Variants in RANBP2 observed in about 807,000 individuals in gnomAD.
RANBP2 encodes E3 SUMO-protein ligase RanBP2.
Under a neutral mutation model 303.6 loss-of-function variants are expected in RANBP2, and 57 were observed. The observed-to-expected ratio is 0.19, with a 90% CI of 0.15 to 0.23. RANBP2 has a LOEUF of 0.23. Among genes scored for constraint, RANBP2 ranks in the 10% least tolerant of loss-of-function variants. RANBP2 has a pLI of 1.00. For missense variants in RANBP2, 3,138 were observed against 3,780.8 expected (o/e 0.83, Z 4.46); for synonymous variants, 1,167 against 1,301.5 (o/e 0.90, Z 2.23).
the RANBP2 span, among the ~76,000 whole-genome samples, chr2:109,542,711 G>A: frequency 6.6e-6 from 1 of 152,158 alleles, no homozygotes; most frequent in Non-Finnish European, 1.5e-5. Flanking sequence ...TCTATGACAT[G>A]TATAATTTAA....
the RANBP2 span, chr2:109,545,879 G>GA: frequency 6.9e-7 from 1 of 1,439,356 alleles, no homozygotes; most frequent in Non-Finnish European, 9.2e-7. Flanking sequence ...GGATGCTGGG[G>GA]AAACAGCAGT....
chr2:109,292,085 G>C, the RANBP2 span, among the ~76,000 whole-genome samples: 1 of 152,124 alleles, frequency 6.6e-6, no homozygotes, highest in African/African-American at 2.4e-5. Flanking sequence ...GGATGGTCTC[G>C]ATCTCCTGAC....
At chr2:108,977,241 T>C in the RANBP2 span, among the ~76,000 whole-genome samples, 1 of 152,242 alleles carries the variant, frequency 6.6e-6, no homozygotes, top group Non-Finnish European at 1.5e-5. Context: ...GGAGATCTGG[T>C]GGCCTCTCAG....
At chr2:109,584,418 T>C in the RANBP2 span, among the ~76,000 whole-genome samples, 1 of 131,356 alleles carries the variant, frequency 7.6e-6, no homozygotes, top group African/African-American at 3.0e-5. Context: ...GAGGTTGCAG[T>C]GAGTCGAAAT....
the RANBP2 span, among the ~76,000 whole-genome samples, chr2:109,453,578 G>T: frequency 6.6e-6 from 1 of 152,112 alleles, no homozygotes; most frequent in Admixed American, 6.5e-5. Context: ...CCACCCGACC[G>T]GCCATCACTC....
chr2:108,912,787 C>G, the RANBP2 span: 1 of 1,559,002 alleles, frequency 6.4e-7, no homozygotes, highest in African/African-American at 1.4e-5. Context: ...TAGAGTCCCT[C>G]AAATGATCCA....
At chr2:109,182,245 A>G in the RANBP2 span, among the ~76,000 whole-genome samples, 5 of 152,196 alleles carry the variant, frequency 3.3e-5, no homozygotes, top group African/African-American at 1.2e-4. Context: ...GCATTTGGTG[A>G]GAGTCATCCC....
At chr2:108,740,230 T>C (rs1241024776) in intron 6 of RANBP2, among the ~76,000 whole-genome samples, 3 of 152,218 alleles carry the variant, frequency 2.0e-5, no homozygotes, top group Non-Finnish European at 2.9e-5. Flanking sequence ...ATCACTGATC[T>C]TATATTTATC....
the RANBP2 span, chr2:109,565,748 C>G: frequency 6.2e-7 from 1 of 1,603,722 alleles, no homozygotes; most frequent in Non-Finnish European, 8.5e-7. Flanking sequence ...TCTAGTCATC[C>G]TTTGTCTCAT....
chr2:108,917,600 T>G, the RANBP2 span, among the ~76,000 whole-genome samples: 1 of 152,182 alleles, frequency 6.6e-6, no homozygotes, highest in Non-Finnish European at 1.5e-5. Flanking sequence ...TGTCCACAAT[T>G]CAGTGCCTCT....
At chr2:109,546,735 C>CT in the RANBP2 span, among the ~76,000 whole-genome samples, 1 of 152,076 alleles carries the variant, frequency 6.6e-6, no homozygotes, top group Non-Finnish European at 1.5e-5. Flanking sequence ...AATGTTAAAA[C>CT]TGTATTCTAT....
At chr2:109,607,530 A>C in the RANBP2 span, among the ~76,000 whole-genome samples, 1 of 152,180 alleles carries the variant, frequency 6.6e-6, no homozygotes, top group Non-Finnish European at 1.5e-5. Context: ...ACCAAAGCTC[A>C]ACCTTATCTG....
chr2:108,759,072 A>G (rs1245534346), intron 18 of RANBP2, among the ~76,000 whole-genome samples: 1 of 150,894 alleles, frequency 6.6e-6, no homozygotes, highest in Non-Finnish European at 1.5e-5. Context: ...ACGTGGAGAT[A>G]ATACTTGCCT....
At chr2:109,164,371 A>G in the RANBP2 span, among the ~76,000 whole-genome samples, 2 of 152,036 alleles carry the variant, frequency 1.3e-5, no homozygotes, top group Non-Finnish European at 2.9e-5. Flanking sequence ...TTTGTTAGAG[A>G]TGGGGTCTTG....
At chr2:109,455,239 G>A in the RANBP2 span, among the ~76,000 whole-genome samples, 2 of 152,158 alleles carry the variant, frequency 1.3e-5, no homozygotes, top group Non-Finnish European at 2.9e-5. Context: ...CGGCTGGCAG[G>A]AGACCATGAG....
chr2:109,235,862 A>G, the RANBP2 span, among the ~76,000 whole-genome samples: 1 of 152,180 alleles, frequency 6.6e-6, no homozygotes, highest in Admixed American at 6.5e-5. Flanking sequence ...AAAACCTCTT[A>G]ACCCTGCCAA....
chr2:108,761,407 G>A lies in RANBP2; in HGVS notation c.2603-694G>A, dbSNP rs567423400. Reference sequence around the variant, plus strand: ...ATGTACAGGCATAAAAGGTCTTTTGGTTGTTTTCTGGTAAAACTATCATAA... The same window carrying A: ...ATGTACAGGCATAAAAGGTCTTTTGATTGTTTTCTGGTAAAACTATCATAA... On this transcript the variant is annotated intron_variant, in intron 18 of 28. Transcript: ENST00000283195. Among the ~76,000 whole-genome samples, 58 of 152,142 alleles carry A rather than the reference G, an allele frequency of 3.8e-4. No homozygotes were observed. The South Asian group carries it at 0.011, about 30-fold the overall frequency.
chr2:109,155,091 A>G, the RANBP2 span, among the ~76,000 whole-genome samples: 48 of 152,314 alleles, frequency 3.2e-4, no homozygotes, highest in African/African-American at 8.9e-4. Flanking sequence ...GGGCCAGGGC[A>G]AGGGTTCCAT....
Position 108,784,062 on chromosome 2 carries a change from A to G in RANBP2, c.*161A>G. ...TGTTGTCACTTTTTAATGTGTTATAATTGACCTTGCATGGTGTGAAATAAA... is the reference window on the plus strand; with the variant it reads ...TGTTGTCACTTTTTAATGTGTTATAGTTGACCTTGCATGGTGTGAAATAAA... On this transcript the variant is annotated 3_prime_UTR_variant, in exon 29 of 29. Coordinates refer to ENST00000283195, the MANE Select transcript of RANBP2 (RefSeq NM_006267.5). 1.5e-6 allele frequency: 1 copy of G among 682,714 alleles called. No homozygotes were observed. The highest frequency in any genetic ancestry group is 2.4e-6 in the Non-Finnish European group (1 of 412,194). The allele number at this position is 682,714 out of a possible 1,614,324, so 42.3% of individuals were successfully genotyped here.
Sources: allele counts gnomAD v4.1 joint callset (sites outside exome capture counted in the v4.1 genomes callset), GRCh38; gene constraint gnomAD v4.1.1; transcripts MANE v1.5; gene names NCBI Gene and HGNC (gene_info 2026-07-23, HGNC 2026-07-21).